The following HIVEP1 variants were observed in gnomAD, a reference collection of about 807,000 sequenced individuals.
HIVEP1 encodes the protein HIVEP zinc finger 1, also known as zinc finger protein 40.
A neutral mutation model predicts 180.0 loss-of-function variants in HIVEP1; 36 were observed. The ratio of observed to expected loss-of-function variants is 0.20; its 90% CI spans 0.15 to 0.26. The LOEUF is 0.26. Ranked by LOEUF, HIVEP1 falls within the 10% of genes least tolerant of loss-of-function variation. The pLI is 1.00. For missense variants in HIVEP1, 3,143 were observed against 3,268.7 expected (o/e 0.96, Z 0.94); for synonymous variants, 1,239 against 1,239.0 (o/e 1.00, Z 0.00).
intron 1 of HIVEP1, among the ~76,000 whole-genome samples, chr6:12,013,257 A>C (rs1024761128): frequency 6.6e-6 from 1 of 152,198 alleles, no homozygotes; most frequent in Non-Finnish European, 1.5e-5. Flanking sequence ...GCAGCGTTGC[A>C]GAGGGGTTTT....
intron 2 of HIVEP1, among the ~76,000 whole-genome samples, chr6:12,039,821 A>G (rs1052624779): frequency 5.9e-5 from 9 of 152,178 alleles, no homozygotes; most frequent in African/African-American, 2.2e-4. Context: ...CAGCCAGGAC[A>G]GGGGATATCA....
chr6:12,117,388 A>G (rs982079116), intron 3 of HIVEP1, among the ~76,000 whole-genome samples: 1 of 152,256 alleles, frequency 6.6e-6, no homozygotes, highest in Non-Finnish European at 1.5e-5. Context: ...TCCATTTAAC[A>G]TATGTGTTTT....
In HIVEP1 at chr6:12,164,992, T is replaced by C. The variant is rs1399217636; in HGVS notation, c.*531T>C. 1 of 364,680 alleles carries C rather than the reference T, an allele frequency of 2.7e-6. No individual in the cohort carries two copies. The highest frequency in any genetic ancestry group is 7.5e-5 in the East Asian group (1 of 13,402). The allele number at this position is 364,680 out of a possible 1,614,324, so 22.6% of individuals were successfully genotyped here. ...AATGTTTCAGTAAAATATTGTTTAC[T>C]GACTTTACCATTGCTTCAGTTGTGC... On this transcript the variant is annotated 3_prime_UTR_variant, in exon 9 of 9. Coordinates refer to ENST00000379388, the MANE Select transcript of HIVEP1 (RefSeq NM_002114.4).
At chr6:12,049,179 A>G (rs1270884782) in intron 2 of HIVEP1, among the ~76,000 whole-genome samples, 2 of 152,204 alleles carry the variant, frequency 1.3e-5, no homozygotes, top group Non-Finnish European at 2.9e-5. Context: ...CCCTTGAAAC[A>G]GGTGCTAATA....
chr6:12,083,752 C>T (rs903765367), intron 2 of HIVEP1, among the ~76,000 whole-genome samples: 13 of 152,116 alleles, frequency 8.5e-5, no homozygotes, highest in Admixed American at 3.3e-4. Context: ...AAGATAGATA[C>T]GATTTAATCA....
the HIVEP1 span, among the ~76,000 whole-genome samples, chr6:12,202,163 A>G: frequency 5.9e-4 from 90 of 151,994 alleles, no homozygotes; most frequent in African/African-American, 2.1e-3. Flanking sequence ...TATTTTATTT[A>G]TATATTTTTT....
chr6:12,123,764 CA>C lies in HIVEP1; in HGVS notation c.3970del (p.Ile1324Ter). 6.2e-7 allele frequency: 1 copy of C among 1,614,100 alleles called. No homozygotes were observed. The highest frequency in any genetic ancestry group is 8.5e-7 in the Non-Finnish European group (1 of 1,179,978). On this transcript the variant is annotated frameshift_variant, in exon 4 of 9. Coordinates refer to ENST00000379388, the MANE Select transcript of HIVEP1 (RefSeq NM_002114.4). LOFTEE classifies it high-confidence loss of function. ...HTSSFSASLD[I>X]EDVSKTEASP... is the part of the protein sequence containing the mutation. ...CTTCAAGTTTCTCAGCCTCTTTAGA[CA>C]TAGAGGACGTTTCTAAAACGGAGGC...
chr6:12,047,319 A>G (rs948505871), intron 2 of HIVEP1, among the ~76,000 whole-genome samples: 1 of 152,276 alleles, frequency 6.6e-6, no homozygotes, highest in South Asian at 2.1e-4. Flanking sequence ...AGTGATGTAC[A>G]TGAGCATTAA....
At chr6:12,135,990 GT>G (rs1274686209) in intron 7 of HIVEP1, 98 bp downstream of exon 7, 1 of 651,024 alleles carries the variant, frequency 1.5e-6, no homozygotes, top group Non-Finnish European at 2.7e-6. Flanking sequence ...GCCTAATTCT[GT>G]TTTCATTACC....
intron 2 of HIVEP1, among the ~76,000 whole-genome samples, chr6:12,056,238 G>C (rs910680419): frequency 5.9e-5 from 9 of 152,128 alleles, no homozygotes; most frequent in African/African-American, 2.2e-4. Flanking sequence ...TGTGTTACTG[G>C]GCAATGTGAG....
At chr6:12,032,223 C>G (rs1450426718) in intron 2 of HIVEP1, among the ~76,000 whole-genome samples, 1 of 149,872 alleles carries the variant, frequency 6.7e-6, no homozygotes, top group Non-Finnish European at 1.5e-5. Context: ...TCACTGCAAG[C>G]TCTGCTTCCC....
At chr6:12,184,022 T>TAGATAGACAGACAGAC in the HIVEP1 span, among the ~76,000 whole-genome samples, 29 of 101,976 alleles carry the variant, frequency 2.8e-4, no homozygotes, top group African/African-American at 4.0e-4. Flanking sequence ...GATAGATAGA[T>TAGATAGACAGACAGAC]AGACAGACAG....
At chr6:12,163,145 T>C in intron 8 of HIVEP1, 138 bp from the exon 9 acceptor site, 1 of 724,824 alleles carries the variant, frequency 1.4e-6, no homozygotes. Flanking sequence ...AATAATTTCA[T>C]TGCAGCAAAC....
intron 7 of HIVEP1, among the ~76,000 whole-genome samples, chr6:12,148,477 C>T (rs1487950459): frequency 6.6e-6 from 1 of 152,220 alleles, no homozygotes; most frequent in Non-Finnish European, 1.5e-5. Context: ...TAAGTGAAAA[C>T]ATTGTATCGT....
chr6:12,154,617 A>G (rs1484116928), intron 7 of HIVEP1, among the ~76,000 whole-genome samples: 3 of 152,126 alleles, frequency 2.0e-5, no homozygotes, highest in Non-Finnish European at 4.4e-5. Flanking sequence ...AAGGAGGGGA[A>G]CATCACACAC....
intron 2 of HIVEP1, among the ~76,000 whole-genome samples, chr6:12,075,395 ATTTCC>A (rs1772285048): frequency 6.6e-6 from 1 of 152,128 alleles, no homozygotes; most frequent in Non-Finnish European, 1.5e-5. Context: ...TTCAGAAATT[ATTTCC>A]TTTCCTTTGG....
rs371056133 is a variant in HIVEP1, at chr6:12,106,394, G to A, written c.95-13496G>A. ...GATGGTGTGTTTCTTTATTATGTAA[G>A]CCACTTTTAAACAAAAACTCATACT... On this transcript the variant is annotated intron_variant, in intron 3 of 8. Transcript: ENST00000379388. Among the ~76,000 whole-genome samples the A allele has an allele frequency of 1.3e-4, 20 of 151,870 alleles. 1 individual carries two copies. The highest frequency in any genetic ancestry group is 4.8e-4 in the African/African-American group (20 of 41,434).
chr6:12,191,599 AT>A, the HIVEP1 span, among the ~76,000 whole-genome samples: 3 of 152,200 alleles, frequency 2.0e-5, no homozygotes, highest in Non-Finnish European at 2.9e-5. Flanking sequence ...TCTAAAAAAA[AT>A]AAAAATAAAA....
chr6:12,097,083 G>A (rs561190079), intron 3 of HIVEP1, among the ~76,000 whole-genome samples: 11 of 152,048 alleles, frequency 7.2e-5, no homozygotes, highest in African/African-American at 1.4e-4. Context: ...ATGGAATGCA[G>A]TTTTATTATT....
Sources: gnomAD v4.1 joint callset for allele counts (sites outside exome capture counted in the v4.1 genomes callset) on GRCh38, gnomAD v4.1.1 for gene constraint, MANE v1.5 for transcripts, NCBI Gene and HGNC (gene_info 2026-07-23, HGNC 2026-07-21) for gene names.